Variants in RNF17 observed in about 807,000 individuals in gnomAD.
RNF17 encodes ring finger protein 17.
In RNF17, 31 loss-of-function variants were observed where a neutral mutation model predicts 200.5. The observed-to-expected ratio is 0.15, with a 90% CI of 0.12 to 0.21. RNF17 has a LOEUF of 0.21. RNF17 is among the 10% of genes least tolerant of loss of function. RNF17 has a pLI of 1.00. For synonymous variants in RNF17, 606 were observed against 637.8 expected, an observed-to-expected ratio of 0.95 and a Z score of 0.75; for missense variants, 1,628 against 1,905.1, an observed-to-expected ratio of 0.85 and a Z score of 2.71.
In RNF17 at chr13:24,870,610, T is replaced by A. The variant is rs764489497; in HGVS notation, c.4318T>A (p.Ser1440Thr). The A allele has an allele frequency of 9.3e-6, 15 of 1,613,894 alleles. No homozygotes were observed. Among genetic ancestry groups the A allele is most frequent in the African/African-American group, 4.0e-5 (3 of 74,910 alleles). The part of the protein sequence containing the change: ...CLDSIETSNQ[S>T]NQHSDTDDSG... ...TGATTCTATAGAAACTTCTAACCAG[T>A]CTAACCAGCATAGTGACACAGATGA... Residue 1440 changes from serine (S) to threonine (T), a missense_variant, in exon 32 of 36, where the codon TCT becomes ACT. Physicochemically the swap from Ser to Thr is moderately conservative, Grantham distance 58 (BLOSUM62 1). Around this residue, in one of 5 missense-constraint regions of RNF17, gnomAD observed 609 missense variants for 681.9 expected, o/e 0.89. Coordinates refer to ENST00000255324, the MANE Select transcript of RNF17 (RefSeq NM_031277.3).
intron 16 of RNF17, among the ~76,000 whole-genome samples, chr13:24,827,681 G>A (rs557433804): frequency 6.6e-5 from 7 of 106,492 alleles, no homozygotes; most frequent in South Asian, 3.9e-4. Flanking sequence ...CAGCCTGGGC[G>A]ACAGAGCGAG....
chr13:24,784,248 C>T (rs1400405728), intron 6 of RNF17, among the ~76,000 whole-genome samples: 1 of 152,184 alleles, frequency 6.6e-6, no homozygotes, highest in African/African-American at 2.4e-5. Context: ...AATTCTCTTA[C>T]TATGCTGTTG....
intron 20 of RNF17, 101 bp from the exon 21 acceptor site, chr13:24,844,551 T>C: frequency 2.2e-6 from 2 of 927,668 alleles, no homozygotes; most frequent in Non-Finnish European, 1.6e-6. Context: ...GGTGCCCAGC[T>C]TGGCTGGAGC....
At chr13:24,775,007 C>T in intron 3 of RNF17, 103 bp downstream of exon 3, 1 of 738,508 alleles carries the variant, frequency 1.4e-6, no homozygotes, top group Non-Finnish European at 2.2e-6. Context: ...CATTTCTAAC[C>T]TACTGTTTAT....
chr13:24,798,423 G>A lies in RNF17; in HGVS notation c.1400-972G>A, dbSNP rs567658803. Among the ~76,000 whole-genome samples, 1,036 of 152,226 alleles carry A rather than the reference G, an allele frequency of 6.8e-3. 6 individuals carry two copies. Among genetic ancestry groups the A allele is most frequent in the Non-Finnish European group, 0.012 (816 of 67,996 alleles). On this transcript the variant is annotated intron_variant, in intron 11 of 35. Transcript: ENST00000255324. Reference sequence around the variant, plus strand: ...AACTGAAGATCAAACGTTTTGGTAGGACTTAAAAGGCTGCCTATAATGTGC... The same window carrying A: ...AACTGAAGATCAAACGTTTTGGTAGAACTTAAAAGGCTGCCTATAATGTGC...
At position 24,843,898 on chromosome 13, in the gene RNF17, G is replaced by T. The variant is rs1890961485; in HGVS notation, c.2758G>T (p.Val920Leu). Residue 920 changes from valine (V) to leucine (L), a missense_variant, in exon 20 of 36, where the codon GTG (valine) becomes TTG (leucine). Transcript: ENST00000255324. ...FQSLYNKELP[V>L]HICNVISPEK... The stretch of plus-strand genomic sequence containing the variant: ...GTCACTTTATAATAAGGAATTGCCT[G>T]TGCATATCTGTAATGTAATATCTCC... The T allele has an allele frequency of 6.2e-7, 1 of 1,600,768 alleles. No homozygotes were observed. Among genetic ancestry groups the T allele is most frequent in the Non-Finnish European group, 8.5e-7 (1 of 1,172,122 alleles).
chr13:24,885,481 T>C, the RNF17 span: 7 of 1,178,020 alleles, frequency 5.9e-6, no homozygotes, highest in Non-Finnish European at 6.4e-6. Context: ...TTACAAAATA[T>C]AACATTTATA....
At chr13:24,853,652 T>A (rs970750502) in intron 24 of RNF17, among the ~76,000 whole-genome samples, 2 of 152,186 alleles carry the variant, frequency 1.3e-5, no homozygotes, top group African/African-American at 4.8e-5. Context: ...TTTAAAACAT[T>A]TACTTAAATT....
Position 24,842,164 on chromosome 13 carries a change from A to G in RNF17, c.2603+3A>G, listed in dbSNP as rs1365967463. 20 of 1,586,478 alleles carry G rather than the reference A, an allele frequency of 1.3e-5. No individual in the cohort carries two copies. The highest frequency in any genetic ancestry group is 1.7e-5 in the Non-Finnish European group (20 of 1,169,624). Reference sequence around the variant, plus strand: ...GGCCTAGCATCTTATGAAATAGGGTAAGTAGATATGTAAACTTTCATTGTT... The same window carrying G: ...GGCCTAGCATCTTATGAAATAGGGTGAGTAGATATGTAAACTTTCATTGTT... On this transcript the variant is annotated splice_donor_region_variant and intron_variant, in intron 19 of 35. Coordinates refer to ENST00000255324, the MANE Select transcript of RNF17 (RefSeq NM_031277.3).
At chr13:24,823,718 A>G (rs555030709) in intron 15 of RNF17, among the ~76,000 whole-genome samples, 1 of 151,940 alleles carries the variant, frequency 6.6e-6, no homozygotes, top group Admixed American at 6.6e-5. Context: ...GGCTTTGTAA[A>G]CTCTACCATA....
At chr13:24,776,388 C>T (rs1249012360) in intron 3 of RNF17, among the ~76,000 whole-genome samples, 5 of 152,086 alleles carry the variant, frequency 3.3e-5, no homozygotes, top group South Asian at 4.1e-4. Context: ...TAAATGAGTA[C>T]TTATAAAAAA....
chr13:24,774,135 A>T (rs531835877), intron 2 of RNF17, among the ~76,000 whole-genome samples: 46 of 152,190 alleles, frequency 3.0e-4, no homozygotes, highest in African/African-American at 9.9e-4. Flanking sequence ...TAGGAATTCT[A>T]TTGAACCACA....
At chr13:24,763,490 T>TA (rs1879055244), upstream of RNF17, among the ~76,000 whole-genome samples, 1 of 151,820 alleles carries the variant, frequency 6.6e-6, no homozygotes, top group African/African-American at 2.4e-5. Flanking sequence ...GTGCTGGCAT[T>TA]ACAGGCGTGA....
rs1331703474 is a variant in RNF17 at position 24,848,194 on chromosome 13, G to T, written c.3102-2147G>T. On this transcript the variant is annotated intron_variant, in intron 22 of 35. Coordinates refer to ENST00000255324, the MANE Select transcript of RNF17 (RefSeq NM_031277.3). ...TTATTATCTGGATAAAATATCTGCT[G>T]ACTGTTGAGTTAGGATTATAAACAC... Among the ~76,000 whole-genome samples, 3 of 152,140 alleles carry T rather than the reference G, an allele frequency of 2.0e-5. No homozygotes were observed. In the East Asian group the frequency reaches 5.8e-4, roughly 29 times the overall value.
intron 15 of RNF17, 99 bp downstream of exon 15, chr13:24,804,528 A>G: frequency 1.2e-6 from 1 of 858,180 alleles, no homozygotes; most frequent in Non-Finnish European, 1.8e-6. Context: ...TAGTCAGAGC[A>G]AACGTACCAC....
the RNF17 span, among the ~76,000 whole-genome samples, chr13:24,888,371 C>G: frequency 1.3e-5 from 2 of 152,098 alleles, no homozygotes; most frequent in Non-Finnish European, 2.9e-5. Flanking sequence ...AACACACACA[C>G]ACACATCCAA....
chr13:24,842,612 C>G lies in RNF17; in HGVS notation c.2603+451C>G, dbSNP rs570494209. On this transcript the variant is annotated intron_variant, in intron 19 of 35. Transcript: ENST00000255324. ...CTTGAGCCATTGTGCTAATACTCACCCAGGACAGGCTAGTGGTTAGGGTGA... is the reference window on the plus strand; with the variant it reads ...CTTGAGCCATTGTGCTAATACTCACGCAGGACAGGCTAGTGGTTAGGGTGA... Among the ~76,000 whole-genome samples the G allele has an allele frequency of 1.1e-4, 16 of 152,158 alleles. No individual in the cohort carries two copies. The South Asian group carries it at 3.3e-3, about 32-fold the overall frequency.
chr13:24,792,485 A>G (rs1455949724), intron 9 of RNF17, among the ~76,000 whole-genome samples: 1 of 152,208 alleles, frequency 6.6e-6, no homozygotes, highest in Non-Finnish European at 1.5e-5. Context: ...AAGTCAAAGC[A>G]GAGGTTTATG....
chr13:24,799,376 T>TC lies in RNF17; in HGVS notation c.1400-19_1400-18insC. ...TTATTGATAAATGTTTATAACGATT[T>TC]GTTTCCCTCATTATTTAGGTGCAAG... On this transcript the variant is annotated intron_variant, in intron 11 of 35. Coordinates refer to ENST00000255324, the MANE Select transcript of RNF17 (RefSeq NM_031277.3). 6.4e-7 allele frequency: 1 copy of TC among 1,574,106 alleles called. No homozygotes were observed. The highest frequency in any genetic ancestry group is 1.1e-5 in the South Asian group (1 of 87,784).
Sources: allele counts gnomAD v4.1 joint callset (sites outside exome capture counted in the v4.1 genomes callset), GRCh38; gene constraint gnomAD v4.1.1; regional missense constraint gnomAD v4.1.1; transcripts MANE v1.5; gene names NCBI Gene and HGNC (gene_info 2026-07-23, HGNC 2026-07-21).